The following NPY2R variants were observed in gnomAD, a reference collection of about 807,000 sequenced individuals.
NPY2R encodes the protein neuropeptide Y receptor type 2.
In NPY2R, 17 loss-of-function variants were observed where a neutral mutation model predicts 22.3. The observed-to-expected ratio is 0.76, with a 90% CI of 0.52 to 1.14. The LOEUF is 1.14. Ranked by LOEUF, NPY2R falls within the 50% of genes most tolerant of loss-of-function variation. The pLI, the probability that NPY2R is intolerant of heterozygous loss-of-function variation, is 0.00. For missense variants in NPY2R, 424 were observed against 467.9 expected (o/e 0.91, Z 0.87); for synonymous variants, 209 against 183.4 (o/e 1.14, Z -1.13).
chr4:155,177,465 C>T, the NPY2R span, among the ~76,000 whole-genome samples: 6 of 151,636 alleles, frequency 4.0e-5, no homozygotes, highest in Non-Finnish European at 8.8e-5. Context: ...CCATGTCGAA[C>T]CTCTGGACAC....
At chr4:155,178,475 A>G in the NPY2R span, among the ~76,000 whole-genome samples, 1 of 152,220 alleles carries the variant, frequency 6.6e-6, no homozygotes, top group African/African-American at 2.4e-5. Context: ...ACGAAGTTAT[A>G]AAGTAAATTT....
At chr4:155,209,402 C>G (rs918482300) in intron 1 of NPY2R, among the ~76,000 whole-genome samples, 5 of 152,156 alleles carry the variant, frequency 3.3e-5, no homozygotes, top group Non-Finnish European at 7.3e-5. Context: ...TTGGATTCTC[C>G]AAAGCCGTTC....
At chr4:155,192,631 C>G in the NPY2R span, among the ~76,000 whole-genome samples, 1 of 151,944 alleles carries the variant, frequency 6.6e-6, no homozygotes, top group Non-Finnish European at 1.5e-5. Context: ...AATTGCTTAA[C>G]AGCTTTCAAT....
the NPY2R span, among the ~76,000 whole-genome samples, chr4:155,202,207 A>G: frequency 3.9e-5 from 6 of 152,184 alleles, no homozygotes; most frequent in Non-Finnish European, 7.4e-5. Context: ...AAGTATTTCT[A>G]TCTAGGTTTA....
In NPY2R at chr4:155,215,040, GAAC is replaced by G; in HGVS notation, c.1103_1105del (p.Asn368del). On this transcript the variant is annotated inframe_deletion, in exon 2 of 2. Coordinates refer to ENST00000329476, the MANE Select transcript of NPY2R (RefSeq NM_000910.4). The stretch of plus-strand genomic sequence containing the variant: ...CTAAAAAGAACCTGGAGGTCAGAAA[GAAC>G]AGTGGCCCCAATGACTCTTTCACAG... 2 of 1,613,756 alleles carry G rather than the reference GAAC, an allele frequency of 1.2e-6. No individual in the cohort carries two copies. Among genetic ancestry groups the G allele is most frequent in the Non-Finnish European group, 1.7e-6 (2 of 1,180,034 alleles).
At chr4:155,181,084 T>C in the NPY2R span, among the ~76,000 whole-genome samples, 16 of 152,320 alleles carry the variant, frequency 1.1e-4, no homozygotes, top group African/African-American at 3.6e-4. Flanking sequence ...AAACATACTT[T>C]GTACTTTTTA....
chr4:155,176,879 A>G, the NPY2R span, among the ~76,000 whole-genome samples: 1 of 152,130 alleles, frequency 6.6e-6, no homozygotes, highest in Admixed American at 6.5e-5. Flanking sequence ...ACATGGCAGA[A>G]GGGACAAAGC....
At position 155,215,157 on chromosome 4, in the gene NPY2R, A is replaced by G. The variant is rs891337297; in HGVS notation, c.*72A>G. On this transcript the variant is annotated 3_prime_UTR_variant, in exon 2 of 2. Transcript: ENST00000329476. The stretch of plus-strand genomic sequence containing the variant: ...TGAATCTGGTTGATGGCGGCTCACA[A>G]GTGAAAACTGATTTCCCATTTTAAA... 6.6e-6 allele frequency: 9 copies of G among 1,357,240 alleles called. No individual in the cohort carries two copies. Among genetic ancestry groups the G allele is most frequent in the African/African-American group, 5.7e-5 (4 of 69,714 alleles). 84.1% of individuals were successfully genotyped at this position (1,357,240 alleles called of 1,614,324 possible). A position where few individuals can be genotyped will look rare whatever the true frequency, so the allele number is the denominator to read the frequency against.
the NPY2R span, among the ~76,000 whole-genome samples, chr4:155,198,903 G>T: frequency 6.6e-6 from 1 of 151,842 alleles, no homozygotes; most frequent in Non-Finnish European, 1.5e-5. Context: ...GTAGTGTTGA[G>T]AATGTGGCAG....
upstream of NPY2R, chr4:155,207,553 G>C (rs1301489478): frequency 1.3e-5 from 2 of 152,250 alleles, no homozygotes; most frequent in African/African-American, 2.4e-5. Context: ...AAAGGAAAGA[G>C]AGACTGGCTG....
chr4:155,176,211 T>C, the NPY2R span, among the ~76,000 whole-genome samples: 10 of 152,178 alleles, frequency 6.6e-5, no homozygotes, highest in Admixed American at 2.6e-4. Context: ...GATTTGAGAC[T>C]GTATATCCCT....
the NPY2R span, among the ~76,000 whole-genome samples, chr4:155,188,078 G>T: frequency 6.6e-6 from 1 of 151,816 alleles, no homozygotes; most frequent in Non-Finnish European, 1.5e-5. Context: ...TTTTTTTTGA[G>T]GCCCTATTCC....
chr4:155,202,608 C>T, the NPY2R span, among the ~76,000 whole-genome samples: 3 of 152,038 alleles, frequency 2.0e-5, no homozygotes, highest in Admixed American at 1.3e-4. Context: ...ATTTCATGTT[C>T]TGAAATTTTT....
chr4:155,212,986 T>C (rs1729437121), intron 1 of NPY2R, among the ~76,000 whole-genome samples: 1 of 152,160 alleles, frequency 6.6e-6, no homozygotes, highest in Non-Finnish European at 1.5e-5. Flanking sequence ...TTGCAACAAA[T>C]TGAATGGAGC....
chr4:155,212,133 T>C (rs1012131208), intron 1 of NPY2R, among the ~76,000 whole-genome samples: 1 of 152,182 alleles, frequency 6.6e-6, no homozygotes, highest in Non-Finnish European at 1.5e-5. Context: ...TGAATAAATA[T>C]ATGACTTTCC....
chr4:155,202,269 C>T, the NPY2R span, among the ~76,000 whole-genome samples: 1 of 152,156 alleles, frequency 6.6e-6, no homozygotes, highest in Non-Finnish European at 1.5e-5. Flanking sequence ...TCTTCCCATA[C>T]ACAAGATTCA....
At chr4:155,181,268 G>A in the NPY2R span, among the ~76,000 whole-genome samples, 1 of 152,148 alleles carries the variant, frequency 6.6e-6, no homozygotes, top group Non-Finnish European at 1.5e-5. Flanking sequence ...TTCACTAAAT[G>A]ATTGTGGTAC....
chr4:155,187,043 T>C, the NPY2R span, among the ~76,000 whole-genome samples: 1 of 152,178 alleles, frequency 6.6e-6, no homozygotes, highest in African/African-American at 2.4e-5. Context: ...ACAGAGCTCC[T>C]TTAATTAGAG....
At chr4:155,188,965 A>G in the NPY2R span, among the ~76,000 whole-genome samples, 1 of 152,118 alleles carries the variant, frequency 6.6e-6, no homozygotes, top group Non-Finnish European at 1.5e-5. Flanking sequence ...CTAATAAGAG[A>G]ACTTTTAAAA....
Sources: gnomAD v4.1 joint callset for allele counts (sites outside exome capture counted in the v4.1 genomes callset) on GRCh38, gnomAD v4.1.1 for gene constraint, MANE v1.5 for transcripts, NCBI Gene and HGNC (gene_info 2026-07-23, HGNC 2026-07-21) for gene names.